The following CCDC40 variants were observed in gnomAD, a reference collection of about 807,000 sequenced individuals.
CCDC40 encodes coiled-coil domain 40 molecular ruler complex subunit, also known as coiled-coil domain-containing protein 40.
CCDC40 carries 104 observed loss-of-function variants against 124.5 expected under a neutral mutation model. The ratio of observed to expected loss-of-function variants is 0.84; its 90% CI spans 0.71 to 0.98. The LOEUF is 0.98. Among genes scored for constraint, CCDC40 ranks in the 50% least tolerant of loss-of-function variants. The pLI, the probability that CCDC40 is intolerant of heterozygous loss-of-function variation, is 0.00. For synonymous variants in CCDC40, 580 were observed against 602.9 expected (o/e 0.96, Z 0.56); for missense variants, 1,463 against 1,503.9 (o/e 0.97, Z 0.45).
chr17:80,065,464 C>T (rs747563137), intron 9 of CCDC40, 21 bp from the exon 10 acceptor site: 3 of 1,612,792 alleles, frequency 1.9e-6, no homozygotes, highest in South Asian at 2.2e-5. Context: ...CCATTCCTGC[C>T]CCCTCCCCTG....
intron 3 of CCDC40, among the ~76,000 whole-genome samples, chr17:80,046,715 C>T (rs1336799826): frequency 6.6e-6 from 1 of 152,142 alleles, no homozygotes; most frequent in African/African-American, 2.4e-5. Flanking sequence ...TGCGGAAAAG[C>T]CTCGGCTCCT....
chr17:80,078,602 G>A (rs560598202), intron 10 of CCDC40, among the ~76,000 whole-genome samples: 67 of 152,218 alleles, frequency 4.4e-4, no homozygotes, highest in African/African-American at 1.6e-3. Flanking sequence ...GTGTGTGTCT[G>A]TTTCCAGACT....
Position 80,081,720 on chromosome 17 carries a change from G to A in CCDC40, c.1737G>A (p.Leu579=). ...AGTGCCTGACCAAGCAGGTGGCCCT[G>A]CAGAGCCAGTTCAATACCTACAGGC... ...TTQCLTKQVA[L]QSQFNTYRLT... The change falls in exon 11 of 20, where the codon CTG becomes CTA. Residue 579 remains leucine (L), a synonymous_variant. Transcript: ENST00000397545. The A allele has an allele frequency of 6.2e-7, 1 of 1,614,140 alleles. No homozygotes were observed. The highest frequency in any genetic ancestry group is 8.5e-7 in the Non-Finnish European group (1 of 1,180,010).
chr17:80,038,921 A>C (rs1165452850), intron 2 of CCDC40, among the ~76,000 whole-genome samples: 1 of 152,268 alleles, frequency 6.6e-6, no homozygotes, highest in Non-Finnish European at 1.5e-5. Flanking sequence ...GCACCAGAAC[A>C]AACTCAATTC....
chr17:80,079,961 C>T (rs1361966815), intron 10 of CCDC40, among the ~76,000 whole-genome samples: 1 of 151,502 alleles, frequency 6.6e-6, no homozygotes, highest in Non-Finnish European at 1.5e-5. Context: ...CGCAGTGGCC[C>T]ACACCTGTAA....
At chr17:80,090,560 C>G (rs568300207) in intron 17 of CCDC40, 2 of 1,506,104 alleles carry the variant, frequency 1.3e-6, no homozygotes, top group Non-Finnish European at 1.8e-6. Context: ...TTTTAAATGC[C>G]GGTTGTAACC....
In CCDC40 at chr17:80,095,377, A is replaced by G. The variant is rs1486454255; in HGVS notation, c.2947A>G (p.Arg983Gly). Residue 983 changes from arginine to glycine, a missense_variant, in exon 18 of 20, where the codon AGG (arginine) becomes GGG (glycine). Coordinates refer to ENST00000397545, the MANE Select transcript of CCDC40 (RefSeq NM_017950.4). Reference protein sequence around the residue: ...TQAEGQRKMDRKALTRTDFHH... With the variant: ...TQAEGQRKMDGKALTRTDFHH... ...GGCCGAGGGGCAGCGCAAGATGGAC[A>G]GGAAGGCGCTCACCCGCACCGACTT... 7 of 1,614,138 alleles carry G rather than the reference A, an allele frequency of 4.3e-6. No homozygotes were observed. In the East Asian group the frequency reaches 6.7e-5, roughly 15 times the overall value.
Position 80,081,647 on chromosome 17 carries a change from T to A in CCDC40, c.1664T>A (p.Leu555Gln). The change falls in exon 11 of 20, where the codon CTG becomes CAG. Residue 555 changes from leucine to glutamine, a missense_variant. Transcript: ENST00000397545. ...EEKNEKLASI[L>Q]NRTETEATLL... ...AAGAACGAGAAGCTGGCGAGCATCC[T>A]GAACCGGACAGAGACGGAAGCCACA... 1 of 1,614,190 alleles carries A rather than the reference T, an allele frequency of 6.2e-7. No homozygotes were observed. Among genetic ancestry groups the A allele is most frequent in the Non-Finnish European group, 8.5e-7 (1 of 1,180,044 alleles).
chr17:80,099,497 G>T (rs911332575), intron 19 of CCDC40, 30 bp from the exon 20 acceptor site: 2 of 1,600,948 alleles, frequency 1.2e-6, no homozygotes, highest in South Asian at 2.2e-5. Context: ...GGTTTGCATA[G>T]CCCTATATGG....
At position 80,084,952 on chromosome 17, in the gene CCDC40, C is replaced by A; in HGVS notation, c.2199C>A (p.Leu733=). The A allele has an allele frequency of 3.1e-6, 5 of 1,613,990 alleles. No homozygotes were observed. The highest frequency in any genetic ancestry group is 4.2e-6 in the Non-Finnish European group (5 of 1,180,036). The change falls in exon 13 of 20, where the codon CTC becomes CTA. Residue 733 remains leucine (L), a synonymous_variant. Transcript: ENST00000397545. ...IERKQGLINF[L]NKQLERMVSE... ...GGAAGCAAGGGCTCATCAACTTCCT[C>A]AACAAGCAGCTGGAGCGGATGGTCT...
chr17:80,062,520 G>C (rs1031294626), intron 9 of CCDC40, among the ~76,000 whole-genome samples: 3 of 139,962 alleles, frequency 2.1e-5, no homozygotes, highest in Non-Finnish European at 4.5e-5. Flanking sequence ...TGTTCTCATT[G>C]TTCAATTCCC....
At chr17:80,062,750 T>G (rs77018384) in intron 9 of CCDC40, among the ~76,000 whole-genome samples, 14,708 of 152,112 alleles carry the variant, frequency 0.097, 741 homozygotes, top group Middle Eastern at 0.13. Context: ...GTGCTAATTT[T>G]TTTATTATGA....
chr17:80,087,519 C>A lies in CCDC40; in HGVS notation c.2450-88C>A. ...AAGGGAGCTACAGGGAGAGACAAAA[C>A]CTGGCTCACCTCTCGGACACTGCTG... On this transcript the variant is annotated intron_variant, in intron 14 of 19. Coordinates refer to ENST00000397545, the MANE Select transcript of CCDC40 (RefSeq NM_017950.4). The surrounding 1 kb of genome is among the most constrained non-coding windows in gnomAD (Gnocchi z 4.5). The A allele has an allele frequency of 9.4e-7, 1 of 1,062,118 alleles. No homozygotes were observed. Among genetic ancestry groups the A allele is most frequent in the East Asian group, 2.5e-5 (1 of 40,190 alleles). The allele number at this position is 1,062,118 out of a possible 1,614,324, so 65.8% of individuals were successfully genotyped here.
chr17:80,050,128 A>T lies in CCDC40; in HGVS notation c.1004A>T (p.Gln335Leu). The T allele has an allele frequency of 6.2e-7, 1 of 1,613,680 alleles. No homozygotes were observed. The highest frequency in any genetic ancestry group is 8.5e-7 in the Non-Finnish European group (1 of 1,179,842). ...QELGVNLYEV[Q>L]QHLVHLQKLL... ...CTGGGGGTGAATCTCTATGAGGTGC[A>T]GCAGCACCTGGTACACCTGCAGAAG... The change falls in exon 7 of 20, where the codon CAG (glutamine) becomes CTG (leucine). Residue 335 changes from glutamine (Q) to leucine (L), a missense_variant. Gln to Leu is a moderately radical substitution (Grantham distance 113). Coordinates refer to ENST00000397545, the MANE Select transcript of CCDC40 (RefSeq NM_017950.4).
In CCDC40 at chr17:80,087,550, G is replaced by C. The variant is rs536862141; in HGVS notation, c.2450-57G>C. 1 of 1,453,946 alleles carries C rather than the reference G, an allele frequency of 6.9e-7. No homozygotes were observed. Among genetic ancestry groups the C allele is most frequent in the Non-Finnish European group, 9.6e-7 (1 of 1,038,240 alleles). 90.1% of individuals were successfully genotyped at this position (1,453,946 alleles called of 1,614,324 possible). ...TCACCTCTCGGACACTGCTGCCTGC[G>C]GGCGAGGACCCGTACCCTCCTGGGG... On this transcript the variant is annotated intron_variant, in intron 14 of 19. Coordinates refer to ENST00000397545, the MANE Select transcript of CCDC40 (RefSeq NM_017950.4). The surrounding 1 kb of genome is among the most constrained non-coding windows in gnomAD (Gnocchi z 4.5).
chr17:80,050,041 C>T, intron 6 of CCDC40, 23 bp from the exon 7 acceptor site: 1 of 1,613,782 alleles, frequency 6.2e-7, no homozygotes, highest in Non-Finnish European at 8.5e-7. Context: ...GTCCTGGTGA[C>T]CCTGTTTCTC....
In CCDC40 at chr17:80,099,371, C is replaced by T. The variant is rs2038871935; in HGVS notation, c.3181-156C>T. ...GACCCAGTGCCTCTCAGCCTCTTCCCTGAGATCCAGGGGCGCAACACCTTC... is the reference window on the plus strand; with the variant it reads ...GACCCAGTGCCTCTCAGCCTCTTCCTTGAGATCCAGGGGCGCAACACCTTC... On this transcript the variant is annotated intron_variant, in intron 19 of 19. Transcript: ENST00000397545. Among the ~76,000 whole-genome samples the T allele has an allele frequency of 2.6e-5, 4 of 152,158 alleles. No individual in the cohort carries two copies. In the South Asian group the frequency reaches 8.3e-4, roughly 31 times the overall value.
chr17:80,090,861 C>A, intron 17 of CCDC40: 1 of 1,045,394 alleles, frequency 9.6e-7, no homozygotes, highest in Non-Finnish European at 1.2e-6. Flanking sequence ...AGATCAAGTG[C>A]ATATGCTAAT....
chr17:80,050,209 A>C lies in CCDC40; in HGVS notation c.1085A>C (p.Lys362Thr). ...HAMASSERRQ[K>T]EEELQAARAL... The stretch of plus-strand genomic sequence containing the variant: ...ATGGCCTCGAGCGAGCGCAGGCAGA[A>C]GGAGGAGGAGCTGCAGGCCGCCCGC... The change falls in exon 7 of 20, where the codon AAG (lysine) becomes ACG (threonine). Residue 362 changes from lysine to threonine, a missense_variant. Coordinates refer to ENST00000397545, the MANE Select transcript of CCDC40 (RefSeq NM_017950.4). The C allele has an allele frequency of 6.2e-7, 1 of 1,610,080 alleles. No individual in the cohort carries two copies. Among genetic ancestry groups the C allele is most frequent in the Middle Eastern group, 2.0e-4 (1 of 5,028 alleles).
Sources: allele counts gnomAD v4.1 joint callset (sites outside exome capture counted in the v4.1 genomes callset), GRCh38; gene constraint gnomAD v4.1.1; non-coding constraint Gnocchi (gnomAD v3.1); transcripts MANE v1.5; gene names NCBI Gene and HGNC (gene_info 2026-07-23, HGNC 2026-07-21).